LIX1: variants seen among roughly 807,000 people sequenced by gnomAD.
LIX1 encodes the protein protein limb expression 1 homolog.
A neutral mutation model predicts 33.4 loss-of-function variants in LIX1; 24 were observed. The ratio of observed to expected loss-of-function variants is 0.72; its 90% confidence interval spans 0.52 to 1.01. The LOEUF (loss-of-function observed/expected upper bound fraction) is 1.01, where lower values mean the gene tolerates loss of function less well. Among genes scored for constraint, LIX1 ranks in the 50% least tolerant of loss-of-function variants. LIX1 has a pLI of 0.00. For missense variants in LIX1, 311 were observed against 339.2 expected, an observed-to-expected ratio of 0.92 and a Z score of 0.65; for synonymous variants, 124 against 124.0, an observed-to-expected ratio of 1.00 and a Z score of 0.00.
chr5:97,115,900 T>G (rs1297022420), intron 2 of LIX1, among the ~76,000 whole-genome samples: 1 of 152,188 alleles, frequency 6.6e-6, no homozygotes, highest in Non-Finnish European at 1.5e-5. Context: ...TAGCACATGG[T>G]ACCCAAGGGG....
At chr5:97,120,515 T>C (rs770103130) in intron 2 of LIX1, among the ~76,000 whole-genome samples, 1 of 151,972 alleles carries the variant, frequency 6.6e-6, no homozygotes, top group African/African-American at 2.4e-5. Flanking sequence ...TCACAGGAGG[T>C]AGGGAGTTCC....
At chr5:97,097,893 C>T (rs1413049519) in intron 4 of LIX1, among the ~76,000 whole-genome samples, 1 of 152,076 alleles carries the variant, frequency 6.6e-6, no homozygotes, top group Non-Finnish European at 1.5e-5. Flanking sequence ...CAGTTTTAGC[C>T]GGCATAATAA....
intron 1 of LIX1, among the ~76,000 whole-genome samples, chr5:97,130,692 A>G (rs761049703): frequency 1.3e-5 from 2 of 152,274 alleles, no homozygotes; most frequent in Non-Finnish European, 2.9e-5. Flanking sequence ...CAAGGGACGT[A>G]AGAAGTAGAA....
At chr5:97,124,240 C>T (rs1747854653) in intron 2 of LIX1, among the ~76,000 whole-genome samples, 1 of 152,078 alleles carries the variant, frequency 6.6e-6, no homozygotes, top group African/African-American at 2.4e-5. Flanking sequence ...AGAAATAAAA[C>T]ATCTTTGCCA....
intron 2 of LIX1, among the ~76,000 whole-genome samples, chr5:97,119,860 CA>C (rs1299261509): frequency 6.6e-6 from 1 of 151,486 alleles, no homozygotes; most frequent in African/African-American, 2.4e-5. Flanking sequence ...GTAGCAAAAA[CA>C]AAAACAAAAA....
At chr5:97,116,270 A>G (rs974621016) in intron 2 of LIX1, among the ~76,000 whole-genome samples, 2 of 152,224 alleles carry the variant, frequency 1.3e-5, no homozygotes, top group Non-Finnish European at 2.9e-5. Context: ...AATTGTGGAT[A>G]TATTAACATT....
chr5:97,108,644 T>C (rs921624112), intron 2 of LIX1, among the ~76,000 whole-genome samples: 1 of 152,108 alleles, frequency 6.6e-6, no homozygotes, highest in Admixed American at 6.5e-5. Flanking sequence ...GATAAGTGTC[T>C]AGGATCTTGG....
chr5:97,105,414 A>T, intron 3 of LIX1, 129 bp from the exon 4 acceptor site: 1 of 645,542 alleles, frequency 1.5e-6, no homozygotes, highest in Non-Finnish European at 2.8e-6. Flanking sequence ...TTCACAACCA[A>T]GTCTCCAGTA....
At chr5:97,101,338 C>G (rs1286616877) in intron 4 of LIX1, among the ~76,000 whole-genome samples, 1 of 152,158 alleles carries the variant, frequency 6.6e-6, no homozygotes, top group African/African-American at 2.4e-5. Context: ...TCTTGTGGCT[C>G]TGTCTCAGGG....
chr5:97,139,344 A>G (rs970817419), intron 1 of LIX1, among the ~76,000 whole-genome samples: 3 of 152,368 alleles, frequency 2.0e-5, no homozygotes, highest in African/African-American at 7.2e-5. Flanking sequence ...AGATAAATGT[A>G]TTGTGCTCTT....
chr5:97,092,035 C>G lies in LIX1; in HGVS notation c.*2713G>C, dbSNP rs573352454. 9.2e-5 allele frequency: 14 copies of G among 152,322 alleles called. No homozygotes were observed. Among genetic ancestry groups the G allele is most frequent in the African/African-American group, 2.2e-4 (9 of 41,502 alleles). The allele number at this position is 152,322 out of a possible 1,614,324, so 9.4% of individuals were successfully genotyped here. A position where few individuals can be genotyped will look rare whatever the true frequency, so the allele number is the denominator to read the frequency against. ...TCAAACACAGTGCAATTTTGGATTT[C>G]AGGATTATGACAGTTGTGTTAGAAA... On this transcript the variant is annotated 3_prime_UTR_variant, in exon 6 of 6. Coordinates refer to ENST00000274382, the MANE Select transcript of LIX1 (RefSeq NM_153234.5).
rs1580191380 is a variant in LIX1 at position 97,093,879 on chromosome 5, A to C, written c.*869T>G. 5 of 152,430 alleles carry C rather than the reference A, an allele frequency of 3.3e-5. 1 individual carries two copies. Among genetic ancestry groups the C allele is most frequent in the Admixed American group, 3.3e-4 (5 of 15,302 alleles). 9.4% of individuals were successfully genotyped at this position (152,430 alleles called of 1,614,324 possible). On this transcript the variant is annotated 3_prime_UTR_variant, in exon 6 of 6. Coordinates refer to ENST00000274382, the MANE Select transcript of LIX1 (RefSeq NM_153234.5). ...AAGCATTCTTTGTTACATGCTAATAATTTTTCAAAATGTTTTAACCTTTAA... is the reference window on the plus strand; with the variant it reads ...AAGCATTCTTTGTTACATGCTAATACTTTTTCAAAATGTTTTAACCTTTAA...
chr5:97,118,006 C>T (rs373539457), intron 2 of LIX1, among the ~76,000 whole-genome samples: 208 of 152,068 alleles, frequency 1.4e-3, no homozygotes, highest in African/African-American at 4.9e-3. Context: ...CACTATTCAA[C>T]TAGCCTAAGT....
At position 97,124,514 on chromosome 5, in the gene LIX1, A is replaced by G; in HGVS notation, c.198T>C (p.Phe66=). ...CCCCTGGGAGGGTCACGTAACTCAC[A>G]AAGGGAGGCCCAGGAGCTGGCAGTG... ...YESLPAPGPP[F]VSYVTLPGGS... is the part of the protein sequence containing the mutation. The change falls in exon 2 of 6, where the codon TTT becomes TTC. Residue 66 remains phenylalanine, a synonymous_variant. Transcript: ENST00000274382. The G allele has an allele frequency of 6.2e-7, 1 of 1,609,750 alleles. No homozygotes were observed. Among genetic ancestry groups the G allele is most frequent in the Non-Finnish European group, 8.5e-7 (1 of 1,177,472 alleles).
chr5:97,132,882 A>C, intron 1 of LIX1, among the ~76,000 whole-genome samples: 1 of 152,188 alleles, frequency 6.6e-6, no homozygotes, highest in Admixed American at 6.5e-5. Context: ...TGATTAAGCA[A>C]AAGAGTGTTC....
At chr5:97,129,912 A>G (rs1033090680) in intron 1 of LIX1, among the ~76,000 whole-genome samples, 3 of 152,176 alleles carry the variant, frequency 2.0e-5, no homozygotes, top group Non-Finnish European at 4.4e-5. Flanking sequence ...TCCGTGGGCC[A>G]TTTTTCCGAC....
intron 1 of LIX1, among the ~76,000 whole-genome samples, chr5:97,125,117 T>C (rs1364624029): frequency 2.0e-5 from 3 of 152,220 alleles, no homozygotes; most frequent in Non-Finnish European, 4.4e-5. Flanking sequence ...AACTCTTTCA[T>C]GCTCCTTCCA....
At chr5:97,141,969 A>G (rs1190010957) in intron 1 of LIX1, among the ~76,000 whole-genome samples, 2 of 152,222 alleles carry the variant, frequency 1.3e-5, no homozygotes, top group Non-Finnish European at 2.9e-5. Context: ...GAGGCATCTC[A>G]TTTTATTGGC....
chr5:97,137,066 G>A (rs1432052792), intron 1 of LIX1: 5 of 431,388 alleles, frequency 1.2e-5, no homozygotes, highest in Admixed American at 7.5e-5. Context: ...CAGTAAAACC[G>A]TGTCATTTAA....
Sources: gnomAD v4.1 joint callset for allele counts (sites outside exome capture counted in the v4.1 genomes callset) on GRCh38, gnomAD v4.1.1 for gene constraint, MANE v1.5 for transcripts, NCBI Gene and HGNC (gene_info 2026-07-23, HGNC 2026-07-21) for gene names.